The following IPO11 variants were observed in gnomAD, a reference collection of about 807,000 sequenced individuals.
IPO11 encodes importin-11.
Under a neutral mutation model 143.2 loss-of-function variants are expected in IPO11, and 66 were observed. The ratio of observed to expected loss-of-function variants is 0.46; its 90% confidence interval spans 0.38 to 0.57. The LOEUF is 0.57. IPO11 is among the 20% of genes least tolerant of loss of function. The pLI, the probability that IPO11 is intolerant of heterozygous loss-of-function variation, is 0.00. For synonymous variants in IPO11, 385 were observed against 377.8 expected (o/e 1.02, Z -0.22); for missense variants, 1,026 against 1,141.0 (o/e 0.90, Z 1.45).
chr5:62,532,907 A>G (rs1189917129), intron 22 of IPO11, among the ~76,000 whole-genome samples: 2 of 152,220 alleles, frequency 1.3e-5, no homozygotes, highest in African/African-American at 4.8e-5. Flanking sequence ...CAACCTTTTG[A>G]TAATGGATGT....
At chr5:62,456,352 A>G (rs1242787590) in intron 5 of IPO11, among the ~76,000 whole-genome samples, 1 of 152,210 alleles carries the variant, frequency 6.6e-6, no homozygotes, top group Non-Finnish European at 1.5e-5. Context: ...AAACCTAAAT[A>G]TAATAAAATG....
chr5:62,432,261 A>G (rs1458884660), intron 1 of IPO11, among the ~76,000 whole-genome samples: 1 of 152,146 alleles, frequency 6.6e-6, no homozygotes, highest in Non-Finnish European at 1.5e-5. Flanking sequence ...GAGGCTCACT[A>G]TTCTTTGCCT....
rs189724199 is a variant in IPO11 at position 62,618,954 on chromosome 5, G to C, written c.2764-8200G>C. ...ATTTAATATTACTAATGACAGGCCGGGCTGGGTGGCTTACGCCTGTAATGC... is the reference window on the plus strand; with the variant it reads ...ATTTAATATTACTAATGACAGGCCGCGCTGGGTGGCTTACGCCTGTAATGC... On this transcript the variant is annotated intron_variant, in intron 29 of 29. Coordinates refer to ENST00000325324, the MANE Select transcript of IPO11 (RefSeq NM_016338.5). Among the ~76,000 whole-genome samples, 10 of 152,210 alleles carry C rather than the reference G, an allele frequency of 6.6e-5. No homozygotes were observed. In the East Asian group the frequency reaches 1.5e-3, roughly 24 times the overall value.
chr5:62,583,464 G>T (rs973620636), intron 27 of IPO11, among the ~76,000 whole-genome samples: 1 of 152,084 alleles, frequency 6.6e-6, no homozygotes, highest in Non-Finnish European at 1.5e-5. Context: ...TTTGCTTTTT[G>T]AAAGTATAGC....
In IPO11 at chr5:62,483,310, C is replaced by T. The variant is rs1236741182; in HGVS notation, c.1021+17C>T. 7.0e-7 allele frequency: 1 copy of T among 1,424,956 alleles called. No homozygotes were observed. Among genetic ancestry groups the T allele is most frequent in the East Asian group, 2.4e-5 (1 of 42,436 alleles). The allele number at this position is 1,424,956 out of a possible 1,614,324, so 88.3% of individuals were successfully genotyped here. On this transcript the variant is annotated intron_variant, in intron 10 of 29. Transcript: ENST00000325324. ...ATTTTGAAGGTAATTCCTTTATTGG[C>T]AGTTTAAAAGAATTATTTTAATCTT...
chr5:62,586,761 AAAAAAAAATAT>A (rs1416613830), intron 27 of IPO11, among the ~76,000 whole-genome samples: 52 of 98,910 alleles, frequency 5.3e-4, no homozygotes, highest in Non-Finnish European at 6.8e-4. Context: ...CCAAAAAAAA[AAAAAAAAATAT>A]ATATATATAT....
intron 1 of IPO11, among the ~76,000 whole-genome samples, chr5:62,435,228 C>A (rs540708478): frequency 2.6e-5 from 3 of 115,560 alleles, no homozygotes; most frequent in African/African-American, 7.0e-5. Flanking sequence ...ATATATATAT[C>A]AGAGCAGCTG....
intron 19 of IPO11, among the ~76,000 whole-genome samples, chr5:62,514,612 G>A (rs1273042628): frequency 6.8e-6 from 1 of 146,716 alleles, no homozygotes; most frequent in African/African-American, 2.6e-5. Context: ...ACGGGAGAGG[G>A]AGAGGGAGAG....
At chr5:62,456,524 A>C (rs1745162381) in intron 5 of IPO11, among the ~76,000 whole-genome samples, 1 of 152,134 alleles carries the variant, frequency 6.6e-6, no homozygotes, top group Non-Finnish European at 1.5e-5. Flanking sequence ...TGGCACAAAC[A>C]TAGGTGTCTA....
intron 16 of IPO11, among the ~76,000 whole-genome samples, chr5:62,503,135 G>T (rs944779735): frequency 4.0e-5 from 6 of 151,790 alleles, no homozygotes; most frequent in Admixed American, 1.3e-4. Flanking sequence ...TTGATTTCTT[G>T]TTTCTTTTTG....
chr5:62,604,284 C>T (rs1244085390), intron 29 of IPO11, among the ~76,000 whole-genome samples: 1 of 152,200 alleles, frequency 6.6e-6, no homozygotes, highest in African/African-American at 2.4e-5. Context: ...TCTCGGCTCT[C>T]TGCAACCTCC....
At chr5:62,435,003 C>A (rs908884196) in intron 1 of IPO11, among the ~76,000 whole-genome samples, 6 of 146,614 alleles carry the variant, frequency 4.1e-5, no homozygotes, top group Non-Finnish European at 8.9e-5. Flanking sequence ...GTAGCCTAGG[C>A]AACAGAGTGA....
chr5:62,453,904 G>A (rs983073822), intron 5 of IPO11, among the ~76,000 whole-genome samples: 3 of 152,152 alleles, frequency 2.0e-5, no homozygotes, highest in African/African-American at 7.2e-5. Context: ...GGAGGCTGAG[G>A]CGAGTGGATC....
At chr5:62,487,034 T>A (rs956460177) in intron 12 of IPO11, among the ~76,000 whole-genome samples, 8 of 152,168 alleles carry the variant, frequency 5.3e-5, no homozygotes, top group Admixed American at 2.6e-4. Context: ...AAATAAAAAA[T>A]TATTTTAAAA....
chr5:62,530,222 T>C (rs1188372354), intron 21 of IPO11, among the ~76,000 whole-genome samples: 1 of 152,228 alleles, frequency 6.6e-6, no homozygotes, highest in African/African-American at 2.4e-5. Context: ...ATGGATACTT[T>C]AGTATATACA....
intron 26 of IPO11, among the ~76,000 whole-genome samples, chr5:62,553,625 C>T (rs1580318510): frequency 6.6e-6 from 1 of 151,476 alleles, no homozygotes; most frequent in African/African-American, 2.4e-5. Context: ...CCTGAGTTCC[C>T]TTTGCTCTAC....
chr5:62,586,156 C>T (rs142747677), intron 27 of IPO11, among the ~76,000 whole-genome samples: 65 of 152,194 alleles, frequency 4.3e-4, no homozygotes, highest in African/African-American at 1.5e-3. Flanking sequence ...TTTTGGTCAA[C>T]TGTAATACAT....
chr5:62,589,624 G>A (rs906830400), intron 27 of IPO11, among the ~76,000 whole-genome samples: 33 of 152,148 alleles, frequency 2.2e-4, no homozygotes, highest in African/African-American at 7.2e-4. Flanking sequence ...CTGATGTGGA[G>A]TGATCTTGGC....
Position 62,495,940 on chromosome 5 carries a change from C to T in IPO11, c.1590+1816C>T, listed in dbSNP as rs546081078. On this transcript the variant is annotated intron_variant, in intron 16 of 29. Coordinates refer to ENST00000325324, the MANE Select transcript of IPO11 (RefSeq NM_016338.5). ...CATGGCCAGATAAGTTTGGAAGACT[C>T]TGAAATAAATATTCAAATGGGCCTC... Among the ~76,000 whole-genome samples the T allele has an allele frequency of 4.6e-5, 7 of 152,260 alleles. No homozygotes were observed. The East Asian group carries it at 1.4e-3, about 29-fold the overall frequency.
Sources: allele counts gnomAD v4.1 joint callset (sites outside exome capture counted in the v4.1 genomes callset), GRCh38; gene constraint gnomAD v4.1.1; transcripts MANE v1.5; gene names NCBI Gene and HGNC (gene_info 2026-07-23, HGNC 2026-07-21).